The following COG5 variants were observed in gnomAD, a reference collection of about 807,000 sequenced individuals.
COG5 encodes component of oligomeric golgi complex 5.
In COG5, 86 loss-of-function variants were observed where a neutral mutation model predicts 110.4. The ratio of observed to expected loss-of-function variants is 0.78; its 90% CI spans 0.65 to 0.93. COG5 has a LOEUF of 0.93. Among genes scored for constraint, COG5 ranks in the 40% least tolerant of loss-of-function variants. The probability of loss-of-function intolerance (pLI) is 0.00; values close to 1 mark genes in which losing one functional copy is unlikely to be tolerated. For synonymous variants in COG5, 360 were observed against 334.6 expected, an observed-to-expected ratio of 1.08 and a Z score of -0.83; for missense variants, 1,077 against 987.0, an observed-to-expected ratio of 1.09 and a Z score of -1.22.
At chr7:107,368,413 A>G (rs1001709155) in intron 8 of COG5, among the ~76,000 whole-genome samples, 1 of 152,166 alleles carries the variant, frequency 6.6e-6, no homozygotes, top group African/African-American at 2.4e-5. Context: ...AGTTATCAAT[A>G]TAAAAGTGAG....
intron 6 of COG5, among the ~76,000 whole-genome samples, chr7:107,508,164 C>A (rs948242118): frequency 7.9e-5 from 12 of 152,220 alleles, no homozygotes; most frequent in African/African-American, 2.7e-4. Flanking sequence ...CCTGGAAAAT[C>A]GGGTAACTCC....
At chr7:107,440,955 A>T (rs1794667724) in intron 6 of COG5, among the ~76,000 whole-genome samples, 1 of 152,056 alleles carries the variant, frequency 6.6e-6, no homozygotes, top group African/African-American at 2.4e-5. Flanking sequence ...AGTTGTTCTA[A>T]AGAATTATCA....
chr7:107,431,021 C>A (rs1793992816), intron 6 of COG5, among the ~76,000 whole-genome samples: 2 of 151,984 alleles, frequency 1.3e-5, no homozygotes, highest in Non-Finnish European at 1.5e-5. Flanking sequence ...ACAAAAAAAA[C>A]AAAACCAAAA....
rs911375784 is a variant in COG5 at position 107,510,687 on chromosome 7, A to C, written c.538+16550T>G. On this transcript the variant is annotated intron_variant, in intron 6 of 21. Coordinates refer to ENST00000297135, the MANE Select transcript of COG5 (RefSeq NM_006348.5). ...AGCAAATGTAAACAGAAATTATAACAAACTGTCTCTCAGACCACAGTGCAA... is the reference window on the plus strand; with the variant it reads ...AGCAAATGTAAACAGAAATTATAACCAACTGTCTCTCAGACCACAGTGCAA... Among the ~76,000 whole-genome samples, 4 of 152,326 alleles carry C rather than the reference A, an allele frequency of 2.6e-5. No homozygotes were observed. The East Asian group carries it at 7.7e-4, about 29-fold the overall frequency.
chr7:107,476,019 G>C (rs1190693929), intron 6 of COG5, among the ~76,000 whole-genome samples: 2 of 149,270 alleles, frequency 1.3e-5, no homozygotes, highest in Admixed American at 6.7e-5. Flanking sequence ...TGCTTACTAG[G>C]AAAAAAAAGA....
At chr7:107,535,551 G>A (rs924631967) in intron 5 of COG5, among the ~76,000 whole-genome samples, 1 of 147,896 alleles carries the variant, frequency 6.8e-6, no homozygotes, top group Non-Finnish European at 1.5e-5. Flanking sequence ...AAATAAACCA[G>A]AAAATCCAGA....
rs774715082 is a variant in COG5 at position 107,201,703 on chromosome 7, T to C, written c.*1813A>G. The C allele has an allele frequency of 2.7e-5, 10 of 364,904 alleles. No individual in the cohort carries two copies. Among genetic ancestry groups the C allele is most frequent in the African/African-American group, 6.3e-5 (3 of 47,886 alleles). The allele number at this position is 364,904 out of a possible 1,614,324, so 22.6% of individuals were successfully genotyped here. On this transcript the variant is annotated 3_prime_UTR_variant, in exon 22 of 22. Transcript: ENST00000297135. ...TATCAGGTAATAATAGGCTTGAAAA[T>C]TGATATCCTGTGGTGCTAAAGTACA...
intron 6 of COG5, among the ~76,000 whole-genome samples, chr7:107,465,004 G>A (rs1030926559): frequency 6.6e-6 from 1 of 152,150 alleles, no homozygotes; most frequent in African/African-American, 2.4e-5. Flanking sequence ...GGAGTAAAGG[G>A]TAGTTCTGTT....
At chr7:107,344,583 G>A (rs1286503939) in intron 10 of COG5, among the ~76,000 whole-genome samples, 2 of 152,148 alleles carry the variant, frequency 1.3e-5, no homozygotes, top group Admixed American at 6.5e-5. Context: ...GGAGTGCAAT[G>A]GTGCAATCTG....
chr7:107,415,321 C>G (rs1002833392), intron 6 of COG5, among the ~76,000 whole-genome samples: 7 of 151,928 alleles, frequency 4.6e-5, no homozygotes, highest in Admixed American at 3.9e-4. Context: ...GATATGGAGG[C>G]AAATACTAAA....
chr7:107,277,857 G>A (rs1045091785), intron 14 of COG5, among the ~76,000 whole-genome samples: 6 of 152,082 alleles, frequency 3.9e-5, no homozygotes, highest in Admixed American at 6.5e-5. Flanking sequence ...TAACAGAAAA[G>A]CCTTAGGGAA....
chr7:107,516,403 G>T (rs930509774), intron 6 of COG5, among the ~76,000 whole-genome samples: 4 of 152,074 alleles, frequency 2.6e-5, no homozygotes, highest in Non-Finnish European at 1.5e-5. Context: ...TTTTCTCCTT[G>T]TCCACAGTTT....
At chr7:107,434,841 A>G (rs1238073387) in intron 6 of COG5, among the ~76,000 whole-genome samples, 1 of 152,002 alleles carries the variant, frequency 6.6e-6, no homozygotes, top group African/African-American at 2.4e-5. Flanking sequence ...GTGGTGGCAA[A>G]TGCCTGTAGT....
intron 11 of COG5, among the ~76,000 whole-genome samples, chr7:107,299,892 A>C (rs1261367232): frequency 6.9e-6 from 1 of 145,834 alleles, no homozygotes. Context: ...ATATATATAT[A>C]TGGAATTACA....
chr7:107,494,120 A>C lies in COG5; in HGVS notation c.538+33117T>G, dbSNP rs1411868461. Among the ~76,000 whole-genome samples the C allele has an allele frequency of 2.0e-5, 3 of 152,272 alleles. No homozygotes were observed. The East Asian group carries it at 5.8e-4, about 29-fold the overall frequency. ...ATACATAAAATTTAAGTTTATATTT[A>C]ATATTACCTCCAATTTCAAACTAAA... On this transcript the variant is annotated intron_variant, in intron 6 of 21. Coordinates refer to ENST00000297135, the MANE Select transcript of COG5 (RefSeq NM_006348.5).
chr7:107,521,750 A>C (rs183904935), intron 6 of COG5, among the ~76,000 whole-genome samples: 53 of 152,354 alleles, frequency 3.5e-4, no homozygotes, highest in African/African-American at 1.1e-3. Context: ...CTAGAACCAG[A>C]AATACCATTT....
chr7:107,211,067 CAAA>C, intron 20 of COG5, 29 bp downstream of exon 20: 1 of 1,612,816 alleles, frequency 6.2e-7, no homozygotes, highest in South Asian at 1.1e-5. Context: ...GGAAGAGTCA[CAAA>C]AGGGTTCTGG....
intron 7 of COG5, among the ~76,000 whole-genome samples, chr7:107,399,377 G>A (rs1159277385): frequency 6.6e-6 from 1 of 152,048 alleles, no homozygotes. Context: ...CCCATGTGTA[G>A]AGGGAGGAAC....
chr7:107,214,829 T>C (rs2116241523), intron 19 of COG5, among the ~76,000 whole-genome samples: 1 of 150,578 alleles, frequency 6.6e-6, no homozygotes, highest in East Asian at 2.0e-4. Flanking sequence ...GGCTGAATCA[T>C]GAGAATCGCT....
Sources: gnomAD v4.1 joint callset for allele counts (sites outside exome capture counted in the v4.1 genomes callset) on GRCh38, gnomAD v4.1.1 for gene constraint, MANE v1.5 for transcripts, NCBI Gene and HGNC (gene_info 2026-07-23, HGNC 2026-07-21) for gene names.